The following GRIK3 variants were observed in gnomAD, a reference collection of about 807,000 sequenced individuals.
GRIK3 encodes glutamate receptor ionotropic, kainate 3.
In GRIK3, 29 loss-of-function variants were observed where a neutral mutation model predicts 102.5. The ratio of observed to expected loss-of-function variants is 0.28; its 90% CI spans 0.21 to 0.39. The LOEUF (loss-of-function observed/expected upper bound fraction) is 0.39, where lower values mean the gene tolerates loss of function less well. Ranked by LOEUF, GRIK3 falls within the 10% of genes least tolerant of loss-of-function variation. The probability of loss-of-function intolerance (pLI) is 1.00; values close to 1 mark genes in which losing one functional copy is unlikely to be tolerated. For missense variants in GRIK3, 908 were observed against 1,252.4 expected (o/e 0.73, Z 4.15); for synonymous variants, 511 against 504.9 (o/e 1.01, Z -0.16).
rs186644426 is a variant in GRIK3, at chr1:36,897,658, T to C, written c.116-6562A>G. On this transcript the variant is annotated intron_variant, in intron 1 of 15. Transcript: ENST00000373091. The stretch of plus-strand genomic sequence containing the variant: ...AGGCAATAATAAATGCTACTGAGGA[T>C]GTGGAGAAAAGGGAACCCTCATACC... 1.8e-4 allele frequency among the ~76,000 whole-genome samples: 28 copies of C among 152,208 alleles called. No individual in the cohort carries two copies. The East Asian group carries it at 5.4e-3, about 29-fold the overall frequency.
chr1:36,901,338 A>G (rs1219246284), intron 1 of GRIK3, among the ~76,000 whole-genome samples: 3 of 152,202 alleles, frequency 2.0e-5, no homozygotes, highest in Admixed American at 2.0e-4. Context: ...ACATAACACA[A>G]CCAAGTGGGA....
chr1:36,831,934 G>C (rs985059637), intron 10 of GRIK3, among the ~76,000 whole-genome samples: 6 of 151,656 alleles, frequency 4.0e-5, no homozygotes, highest in African/African-American at 1.2e-4. Context: ...TCTTACCTCC[G>C]GATGCTGCAC....
intron 1 of GRIK3, among the ~76,000 whole-genome samples, chr1:36,949,318 C>A (rs1474339052): frequency 6.6e-6 from 1 of 152,112 alleles, no homozygotes; most frequent in African/African-American, 2.4e-5. Context: ...CTCCAGTCCC[C>A]CTACTGAAGC....
chr1:36,945,341 G>A (rs909971251), intron 1 of GRIK3, among the ~76,000 whole-genome samples: 1 of 152,210 alleles, frequency 6.6e-6, no homozygotes, highest in African/African-American at 2.4e-5. Context: ...AGTGAGACTG[G>A]GCAGCTAGAG....
intron 1 of GRIK3, among the ~76,000 whole-genome samples, chr1:37,032,472 T>G (rs1642838624): frequency 1.3e-5 from 2 of 150,164 alleles, no homozygotes; most frequent in Non-Finnish European, 3.0e-5. Context: ...ATAAAGGAAG[T>G]GCTGGTCCAT....
intron 1 of GRIK3, among the ~76,000 whole-genome samples, chr1:36,918,327 T>G (rs1641429463): frequency 6.6e-6 from 1 of 152,222 alleles, no homozygotes; most frequent in African/African-American, 2.4e-5. Context: ...CCACCTACCT[T>G]TCTGCCCTAT....
chr1:36,940,634 G>A (rs1377704793), intron 1 of GRIK3, among the ~76,000 whole-genome samples: 2 of 152,168 alleles, frequency 1.3e-5, no homozygotes, highest in African/African-American at 2.4e-5. Context: ...CCTGCCTCCC[G>A]GGGCACTGCC....
At chr1:36,878,163 G>A (rs988133010) in intron 3 of GRIK3, among the ~76,000 whole-genome samples, 1 of 152,226 alleles carries the variant, frequency 6.6e-6, no homozygotes, top group Non-Finnish European at 1.5e-5. Context: ...GACACTGAAA[G>A]CTCCTGGCCT....
At chr1:36,989,227 T>C (rs1454161881) in intron 1 of GRIK3, among the ~76,000 whole-genome samples, 8 of 151,796 alleles carry the variant, frequency 5.3e-5, no homozygotes, top group Non-Finnish European at 1.5e-5. Context: ...ACTGAAGAGG[T>C]TGTGCGTCTC....
intron 1 of GRIK3, among the ~76,000 whole-genome samples, chr1:36,909,645 A>C (rs1641324447): frequency 6.6e-6 from 1 of 151,802 alleles, no homozygotes; most frequent in Non-Finnish European, 1.5e-5. Context: ...ACCCATTTGC[A>C]TCACTGGGCT....
chr1:36,887,555 G>C (rs957640827), intron 2 of GRIK3, among the ~76,000 whole-genome samples: 2 of 151,936 alleles, frequency 1.3e-5, no homozygotes, highest in African/African-American at 4.8e-5. Context: ...AGGAGTTCGA[G>C]ACCAGTCTGG....
At chr1:37,016,667 T>C (rs559085862) in intron 1 of GRIK3, among the ~76,000 whole-genome samples, 16 of 152,130 alleles carry the variant, frequency 1.1e-4, no homozygotes, top group Non-Finnish European at 1.8e-4. Flanking sequence ...GGACAGTGAC[T>C]GGCCCTGGAA....
At chr1:37,029,644 C>T (rs1642799966) in intron 1 of GRIK3, among the ~76,000 whole-genome samples, 1 of 152,246 alleles carries the variant, frequency 6.6e-6, no homozygotes, top group African/African-American at 2.4e-5. Flanking sequence ...GGTAGTTCCA[C>T]AGCCCACGGG....
intron 1 of GRIK3, among the ~76,000 whole-genome samples, chr1:37,002,731 T>G (rs953257569): frequency 1.7e-4 from 26 of 148,806 alleles, no homozygotes; most frequent in African/African-American, 6.0e-4. Context: ...CAGGCTGGAG[T>G]GCAGGGACAC....
At chr1:36,941,738 A>G (rs953360485) in intron 1 of GRIK3, among the ~76,000 whole-genome samples, 1 of 152,202 alleles carries the variant, frequency 6.6e-6, no homozygotes, top group Non-Finnish European at 1.5e-5. Context: ...GCCCTGCAAA[A>G]TCAAGCTTAT....
At chr1:36,888,781 T>C (rs1641070706) in intron 2 of GRIK3, among the ~76,000 whole-genome samples, 1 of 152,074 alleles carries the variant, frequency 6.6e-6, no homozygotes, top group South Asian at 2.1e-4. Context: ...CCTTCAAAAC[T>C]CAACTCAAAC....
Position 36,962,472 on chromosome 1 carries a change from C to G in GRIK3, c.116-71376G>C, listed in dbSNP as rs574624932. On this transcript the variant is annotated intron_variant, in intron 1 of 15. Transcript: ENST00000373091. The stretch of plus-strand genomic sequence containing the variant: ...TCAAGAAAGAATTAAAGGGATGGGT[C>G]TAGATTCAGGGGAAGGAGACAGGAA... Among the ~76,000 whole-genome samples the G allele has an allele frequency of 5.3e-5, 8 of 152,010 alleles. No homozygotes were observed. In the South Asian group the frequency reaches 1.0e-3, roughly 20 times the overall value.
intron 1 of GRIK3, among the ~76,000 whole-genome samples, chr1:36,938,756 C>G (rs1641687338): frequency 6.6e-6 from 1 of 152,180 alleles, no homozygotes. Flanking sequence ...ACTCCCTGAC[C>G]ACAGTGACTG....
chr1:36,923,165 T>C (rs139626096), intron 1 of GRIK3, among the ~76,000 whole-genome samples: 1 of 152,346 alleles, frequency 6.6e-6, no homozygotes, highest in East Asian at 1.9e-4. Context: ...CTGGTTAAAT[T>C]AACTGATTAA....
Sources: allele counts gnomAD v4.1 joint callset (sites outside exome capture counted in the v4.1 genomes callset), GRCh38; gene constraint gnomAD v4.1.1; transcripts MANE v1.5; gene names NCBI Gene and HGNC (gene_info 2026-07-23, HGNC 2026-07-21).